MYH1: variants seen among roughly 807,000 people sequenced by gnomAD.
MYH1 encodes the protein myosin heavy chain 1.
A neutral mutation model predicts 225.6 loss-of-function variants in MYH1; 214 were observed. That is an observed-to-expected ratio of 0.95 (90% CI 0.85 to 1.06). The LOEUF (loss-of-function observed/expected upper bound fraction) is 1.06, where lower values mean the gene tolerates loss of function less well. MYH1 is among the 50% of genes least tolerant of loss of function. The probability of loss-of-function intolerance (pLI) is 0.00; values close to 1 mark genes in which losing one functional copy is unlikely to be tolerated. For missense variants in MYH1, 2,098 were observed against 2,344.2 expected (o/e 0.89, Z 2.17); for synonymous variants, 774 against 842.3 (o/e 0.92, Z 1.40).
chr17:10,501,215 A>C lies in MYH1; in HGVS notation c.3633T>G (p.Ile1211Met). 6.2e-7 allele frequency: 1 copy of C among 1,614,126 alleles called. No homozygotes were observed. Reference protein sequence around the residue: ...ADSVAELGEQIDNLQRVKQKL... With the variant: ...ADSVAELGEQMDNLQRVKQKL... ...TCTGCTTCACTCGCTGCAGGTTGTC[A>C]ATCTGCTCCCCAAGCTCGGCCACAC... Residue 1211 changes from isoleucine to methionine, a missense_variant, in exon 27 of 40, where the codon ATT becomes ATG. By Grantham distance (10) the Ile-to-Met change is conservative. Coordinates refer to ENST00000226207, the MANE Select transcript of MYH1 (RefSeq NM_005963.4).
rs752888653 is a variant in MYH1, at chr17:10,505,313, G to A, written c.2299-14C>T. The stretch of plus-strand genomic sequence containing the variant: ...TTTGAAAAAGACCTATGTGTGGGAA[G>A]AATTTCAGATCAGAAAATTTACATA... On this transcript the variant is annotated splice_polypyrimidine_tract_variant and intron_variant, in intron 20 of 39. Transcript: ENST00000226207. The A allele has an allele frequency of 8.7e-6, 14 of 1,614,048 alleles. No homozygotes were observed. Among genetic ancestry groups the A allele is most frequent in the Middle Eastern group, 1.6e-4 (1 of 6,084 alleles).
In MYH1 at chr17:10,495,979, T is replaced by C; in HGVS notation, c.5140A>G (p.Ser1714Gly). The C allele has an allele frequency of 6.2e-7, 1 of 1,614,134 alleles. No homozygotes were observed. Reference sequence around the variant, plus strand: ...GTGTGCAGGAGCTGAACACGCTCACTGGCATCCAGGAGCTCCTGTTCTGCG... The same window carrying C: ...GTGTGCAGGAGCTGAACACGCTCACCGGCATCCAGGAGCTCCTGTTCTGCG... ...KIAEQELLDA[S>G]ERVQLLHTQN... is the part of the protein sequence containing the mutation. Residue 1714 changes from serine to glycine, a missense_variant, in exon 35 of 40, where the codon AGT (serine) becomes GGT (glycine). Physicochemically the swap from Ser to Gly is moderately conservative, Grantham distance 56. Coordinates refer to ENST00000226207, the MANE Select transcript of MYH1 (RefSeq NM_005963.4).
chr17:10,509,710 T>G (rs2073153431), intron 14 of MYH1, 55 bp from the exon 15 acceptor site: 1 of 1,613,786 alleles, frequency 6.2e-7, no homozygotes, highest in African/African-American at 1.3e-5. Context: ...ATCTTCTCTT[T>G]GAAAGGGGTG....
At chr17:10,507,551 T>G (rs1157693947) in intron 17 of MYH1, among the ~76,000 whole-genome samples, 1 of 152,238 alleles carries the variant, frequency 6.6e-6, no homozygotes. Flanking sequence ...AAGTCTCAGC[T>G]TTACTTAATC....
At position 10,516,233 on chromosome 17, in the gene MYH1, T is replaced by A. The variant is rs759108818; in HGVS notation, c.314A>T (p.Asn105Ile). ...THLHEPAVLY[N>I]LKERYAAWMI... ...CCAGGCTGCGTAGCGCTCTTTGAGGTTGTACAGCACAGCAGGCTCGTGTAG... is the reference window on the plus strand; with the variant it reads ...CCAGGCTGCGTAGCGCTCTTTGAGGATGTACAGCACAGCAGGCTCGTGTAG... The change falls in exon 4 of 40, where the codon AAC becomes ATC. Residue 105 changes from asparagine (N) to isoleucine (I), a missense_variant. Asn to Ile is a moderately radical substitution (Grantham distance 149, BLOSUM62 -3). Coordinates refer to ENST00000226207, the MANE Select transcript of MYH1 (RefSeq NM_005963.4). 2 of 1,614,220 alleles carry A rather than the reference T, an allele frequency of 1.2e-6. No individual in the cohort carries two copies. The highest frequency in any genetic ancestry group is 1.7e-6 in the Non-Finnish European group (2 of 1,180,040).
At chr17:10,506,268 C>A (rs2073111707) in intron 17 of MYH1, among the ~76,000 whole-genome samples, 169 bp from the exon 18 acceptor site, 1 of 152,086 alleles carries the variant, frequency 6.6e-6, no homozygotes, top group South Asian at 2.1e-4. Flanking sequence ...AATATGTCCC[C>A]CTGTTTTCTG....
chr17:10,492,735 A>C (rs1409438123), intron 39 of MYH1, among the ~76,000 whole-genome samples, 167 bp from the exon 40 acceptor site: 1 of 152,042 alleles, frequency 6.6e-6, no homozygotes, highest in South Asian at 2.1e-4. Flanking sequence ...TTTTTGCATT[A>C]GCTTCTTGAA....
chr17:10,514,110 G>A lies in MYH1; in HGVS notation c.548C>T (p.Ala183Val). Reference protein sequence around the residue: ...QSILITGESGAGKTVNTKRVI... With the variant: ...QSILITGESGVGKTVNTKRVI... The stretch of plus-strand genomic sequence containing the variant: ...ACGCTTGGTGTTCACAGTCTTCCCT[G>A]CGCCAGATTCTCCGCTGTCAAAGAC... The change falls in exon 7 of 40, where the codon GCA (alanine) becomes GTA (valine). Residue 183 changes from alanine to valine, a missense_variant. Physicochemically the swap from Ala to Val is moderately conservative, Grantham distance 64 (BLOSUM62 0). Transcript: ENST00000226207. 1 of 1,614,118 alleles carries A rather than the reference G, an allele frequency of 6.2e-7. No homozygotes were observed. The highest frequency in any genetic ancestry group is 8.5e-7 in the Non-Finnish European group (1 of 1,179,980).
At chr17:10,511,713 G>T in intron 14 of MYH1, 126 bp downstream of exon 14, 1 of 1,457,446 alleles carries the variant, frequency 6.9e-7, no homozygotes, top group Non-Finnish European at 9.5e-7. Context: ...TCATGTGTCA[G>T]TTAAGTTTAA....
chr17:10,510,822 T>A (rs925546895), intron 14 of MYH1, among the ~76,000 whole-genome samples: 1 of 152,110 alleles, frequency 6.6e-6, no homozygotes, highest in Non-Finnish European at 1.5e-5. Flanking sequence ...GTTGGGATGA[T>A]GAAAATGTTC....
intron 39 of MYH1, among the ~76,000 whole-genome samples, chr17:10,492,846 GTTTT>G (rs61147841): frequency 1.4e-5 from 2 of 146,484 alleles, no homozygotes; most frequent in Non-Finnish European, 3.0e-5. Flanking sequence ...GTCCAGCTTT[GTTTT>G]TTTTTTTGTT....
rs146495446 is a variant in MYH1, at chr17:10,496,550, C to G, written c.4657-1G>C. On this transcript the variant is annotated splice_acceptor_variant, in intron 33 of 39. Coordinates refer to ENST00000226207, the MANE Select transcript of MYH1 (RefSeq NM_005963.4). LOFTEE classifies it high-confidence loss of function. The stretch of plus-strand genomic sequence containing the variant: ...TTCCCTCTTCATGTTCAAGAGATGC[C>G]TTAATGACAGCAAGAGGTGACATTA... 1.2e-6 allele frequency: 2 copies of G among 1,614,080 alleles called. No homozygotes were observed. Among genetic ancestry groups the G allele is most frequent in the African/African-American group, 1.3e-5 (1 of 74,980 alleles).
intron 14 of MYH1, among the ~76,000 whole-genome samples, chr17:10,510,260 A>G (rs1372369304): frequency 6.6e-6 from 1 of 152,214 alleles, no homozygotes; most frequent in Non-Finnish European, 1.5e-5. Flanking sequence ...GATCTGAGCC[A>G]TTATGGTCTG....
rs769599599 is a variant in MYH1 at position 10,496,051 on chromosome 17, C to T, written c.5068G>A (p.Glu1690Lys). ...TGTTCCAGAGTGGCCCGCAGCTCCT[C>T]GATCTCAGCCTGCAGCAGGTTGGCT... ...RRANLLQAEI[E>K]ELRATLEQTE... is the part of the protein sequence containing the mutation. The change falls in exon 35 of 40, where the codon GAG becomes AAG. Residue 1690 changes from glutamate to lysine, a missense_variant. By Grantham distance (56) the Glu-to-Lys change is moderately conservative (BLOSUM62 1). Coordinates refer to ENST00000226207, the MANE Select transcript of MYH1 (RefSeq NM_005963.4). The T allele has an allele frequency of 1.9e-5, 31 of 1,613,982 alleles. No individual in the cohort carries two copies. Among genetic ancestry groups the T allele is most frequent in the African/African-American group, 9.3e-5 (7 of 74,934 alleles).
chr17:10,494,576 G>C lies in MYH1; in HGVS notation c.5564C>G (p.Thr1855Ser), dbSNP rs774201277. 9 of 1,613,920 alleles carry C rather than the reference G, an allele frequency of 5.6e-6. No homozygotes were observed. The highest frequency in any genetic ancestry group is 7.6e-6 in the Non-Finnish European group (9 of 1,179,980). The stretch of plus-strand genomic sequence containing the variant: ...ACAGGCCATTTTCCTTACTTGGTAA[G>C]TGAGTTCCTTCACTTTTCTCTCATG... ...RKHERKVKEL[T>S]YQTEEDRKNI... Residue 1855 changes from threonine to serine, a missense_variant, in exon 38 of 40, where the codon ACT becomes AGT. By Grantham distance (58) the Thr-to-Ser change is moderately conservative. Coordinates refer to ENST00000226207, the MANE Select transcript of MYH1 (RefSeq NM_005963.4).
intron 5 of MYH1, among the ~76,000 whole-genome samples, chr17:10,515,517 A>G (rs1297818538): frequency 1.3e-5 from 2 of 152,236 alleles, no homozygotes; most frequent in South Asian, 4.1e-4. Context: ...TTGTAAAAGA[A>G]TCTAATTTAT....
chr17:10,511,477 A>G (rs1334354547), intron 14 of MYH1, among the ~76,000 whole-genome samples: 1 of 152,094 alleles, frequency 6.6e-6, no homozygotes, highest in Non-Finnish European at 1.5e-5. Flanking sequence ...GGACTGTGTT[A>G]AGGGCTGAAA....
chr17:10,515,884 G>C, intron 5 of MYH1, 42 bp downstream of exon 5: 8 of 1,613,680 alleles, frequency 5.0e-6, no homozygotes, highest in Non-Finnish European at 6.8e-6. Flanking sequence ...TGTGATTATG[G>C]ATGGTAAAAT....
At chr17:10,506,554 G>A (rs753776405) in intron 17 of MYH1, among the ~76,000 whole-genome samples, 20 of 150,552 alleles carry the variant, frequency 1.3e-4, no homozygotes, top group Admixed American at 4.0e-4. Context: ...GTACAGTGGC[G>A]CAATCTTGGC....
Sources: allele counts gnomAD v4.1 joint callset (sites outside exome capture counted in the v4.1 genomes callset), GRCh38; gene constraint gnomAD v4.1.1; transcripts MANE v1.5; gene names NCBI Gene and HGNC (gene_info 2026-07-23, HGNC 2026-07-21).